Variants in PIPOX observed in about 807,000 individuals in gnomAD.
The protein encoded by PIPOX is peroxisomal sarcosine oxidase.
A neutral mutation model predicts 47.9 loss-of-function variants in PIPOX; 45 were observed. The ratio of observed to expected loss-of-function variants is 0.94; its 90% confidence interval spans 0.74 to 1.20. The LOEUF (loss-of-function observed/expected upper bound fraction) is 1.20. PIPOX is among the 50% of genes most tolerant of loss of function. The probability of loss-of-function intolerance (pLI) is 0.00; values close to 1 mark genes in which losing one functional copy is unlikely to be tolerated. For missense variants in PIPOX, 458 were observed against 498.4 expected (o/e 0.92, Z 0.77); for synonymous variants, 165 against 191.3 (o/e 0.86, Z 1.13).
intron 2 of PIPOX, among the ~76,000 whole-genome samples, chr17:29,052,420 A>G (rs1339166269): frequency 6.6e-6 from 1 of 152,254 alleles, no homozygotes; most frequent in Non-Finnish European, 1.5e-5. Flanking sequence ...AATGGGCTGG[A>G]AATCAGCATG....
rs966747961 is a variant in PIPOX, at chr17:29,044,954, G to A, written c.210G>A (p.Glu70=). The A allele has an allele frequency of 7.4e-6, 12 of 1,613,932 alleles. No individual in the cohort carries two copies. The African/African-American group carries it at 1.2e-4, about 16-fold the overall frequency. ...ACTTTTACACCCGGATGATGCATGA[G>A]TGCTATCAGATATGGGCCCAGCTGG... ...LEDFYTRMMH[E]CYQIWAQLEH... The change falls in exon 2 of 8, where the codon GAG becomes GAA. Residue 70 remains glutamate (E), a synonymous_variant. Coordinates refer to ENST00000323372, the MANE Select transcript of PIPOX (RefSeq NM_016518.3).
intron 2 of PIPOX, among the ~76,000 whole-genome samples, chr17:29,046,450 G>C (rs1415689663): frequency 6.6e-6 from 1 of 152,164 alleles, no homozygotes; most frequent in African/African-American, 2.4e-5. Flanking sequence ...GTGTGATCTT[G>C]GAAAAGTTTC....
In PIPOX at chr17:29,056,205, G is replaced by A; in HGVS notation, c.1073G>A (p.Gly358Glu). 6.2e-7 allele frequency: 1 copy of A among 1,614,136 alleles called. No individual in the cohort carries two copies. Among genetic ancestry groups the A allele is most frequent in the Non-Finnish European group, 8.5e-7 (1 of 1,180,016 alleles). The change falls in exon 8 of 8, where the codon GGG (glycine) becomes GAG (glutamate). Residue 358 changes from glycine (G) to glutamate (E), a missense_variant. Physicochemically the swap from Gly to Glu is moderately conservative, Grantham distance 98. Transcript: ENST00000323372. ...GHGFKLAPVV[G>E]KILYELSMKL... ...GGGTTCAAGCTGGCCCCTGTGGTGG[G>A]GAAGATCCTGTATGAATTAAGCATG...
intron 2 of PIPOX, among the ~76,000 whole-genome samples, chr17:29,051,529 G>A (rs1156585561): frequency 1.3e-5 from 2 of 152,216 alleles, no homozygotes; most frequent in Non-Finnish European, 1.5e-5. Context: ...GGGCAGTGCA[G>A]CAGCTGCAAT....
intron 2 of PIPOX, chr17:29,052,051 G>A (rs2152698720): frequency 2.1e-6 from 1 of 471,026 alleles, no homozygotes; most frequent in Non-Finnish European, 4.4e-6. Context: ...GGTGAAGCCA[G>A]GACTAGAGAC....
Position 29,043,189 on chromosome 17 carries a change from C to A in PIPOX, c.-37C>A. 1 of 1,521,316 alleles carries A rather than the reference C, an allele frequency of 6.6e-7. No homozygotes were observed. The highest frequency in any genetic ancestry group is 9.1e-7 in the Non-Finnish European group (1 of 1,101,174). The allele number at this position is 1,521,316 out of a possible 1,614,324, so 94.2% of individuals were successfully genotyped here. ...GGGAGCCTGTCTTTGCTTGCCTTTGCCTTTGAGGCTCTGTGGCTGTGGGGC... is the reference window on the plus strand; with the variant it reads ...GGGAGCCTGTCTTTGCTTGCCTTTGACTTTGAGGCTCTGTGGCTGTGGGGC... On this transcript the variant is annotated 5_prime_UTR_variant, in exon 1 of 8. Coordinates refer to ENST00000323372, the MANE Select transcript of PIPOX (RefSeq NM_016518.3).
At chr17:29,045,815 T>C (rs2152698195) in intron 2 of PIPOX, among the ~76,000 whole-genome samples, 1 of 152,258 alleles carries the variant, frequency 6.6e-6, no homozygotes, top group South Asian at 2.1e-4. Flanking sequence ...CCTTTTCCTG[T>C]AGGAACAAAA....
At chr17:29,045,043 T>C (rs1428773349) in intron 2 of PIPOX, 36 bp downstream of exon 2, 2 of 1,557,984 alleles carry the variant, frequency 1.3e-6, no homozygotes, top group Non-Finnish European at 1.7e-6. Context: ...ATCGTGGGGC[T>C]CTGCACCTGC....
chr17:29,056,474 T>A lies in PIPOX; in HGVS notation c.*169T>A. The A allele has an allele frequency of 1.4e-6, 1 of 718,508 alleles. No individual in the cohort carries two copies. The highest frequency in any genetic ancestry group is 2.2e-6 in the Non-Finnish European group (1 of 447,412). The allele number at this position is 718,508 out of a possible 1,614,324, so 44.5% of individuals were successfully genotyped here. The stretch of plus-strand genomic sequence containing the variant: ...TACCTTCTTTCCTTGGCCCGCTCCC[T>A]TTTTCTTCTGCCTCACTTGAATCCC... On this transcript the variant is annotated 3_prime_UTR_variant, in exon 8 of 8. Coordinates refer to ENST00000323372, the MANE Select transcript of PIPOX (RefSeq NM_016518.3).
At chr17:29,050,979 G>A (rs753667106) in intron 2 of PIPOX, among the ~76,000 whole-genome samples, 5 of 151,928 alleles carry the variant, frequency 3.3e-5, no homozygotes, top group Non-Finnish European at 5.9e-5. Context: ...AAAATGAGCC[G>A]GGTGTGGTGG....
rs749251666 is a variant in PIPOX, at chr17:29,056,217, A to G, written c.1085A>G (p.Tyr362Cys). 1 of 1,614,148 alleles carries G rather than the reference A, an allele frequency of 6.2e-7. No homozygotes were observed. The highest frequency in any genetic ancestry group is 2.2e-5 in the East Asian group (1 of 44,890). The part of the protein sequence containing the change: ...KLAPVVGKIL[Y>C]ELSMKLTPSY... ...GCCCCTGTGGTGGGGAAGATCCTGT[A>G]TGAATTAAGCATGAAATTAACACCA... The change falls in exon 8 of 8, where the codon TAT becomes TGT. Residue 362 changes from tyrosine (Y) to cysteine (C), a missense_variant. Coordinates refer to ENST00000323372, the MANE Select transcript of PIPOX (RefSeq NM_016518.3).
chr17:29,044,218 G>A (rs2152698052), intron 1 of PIPOX: 1 of 152,320 alleles, frequency 6.6e-6, no homozygotes, highest in African/African-American at 2.4e-5. Context: ...GAGAAATAAA[G>A]TCAGCATCAG....
At chr17:29,046,726 G>A (rs1246960683) in intron 2 of PIPOX, 17 of 985,224 alleles carry the variant, frequency 1.7e-5, no homozygotes, top group Non-Finnish European at 1.9e-5. Flanking sequence ...TCTCAGAAGC[G>A]CACAATCCTC....
At chr17:29,051,513 G>A (rs540081970) in intron 2 of PIPOX, among the ~76,000 whole-genome samples, 24 of 152,316 alleles carry the variant, frequency 1.6e-4, no homozygotes, top group African/African-American at 4.6e-4. Context: ...GTACCAGGCC[G>A]CTGCTGGGCA....
chr17:29,044,735 T>C (rs561676325), intron 1 of PIPOX, 124 bp from the exon 2 acceptor site: 284 of 989,292 alleles, frequency 2.9e-4, no homozygotes, highest in Non-Finnish European at 3.2e-4. Context: ...CTTCCCCAGA[T>C]TGTGTGGAAA....
rs2152697969 is a variant in PIPOX at position 29,043,343 on chromosome 17, C to T, written c.114+4C>T. 6.2e-7 allele frequency: 1 copy of T among 1,600,334 alleles called. No homozygotes were observed. Among genetic ancestry groups the T allele is most frequent in the Non-Finnish European group, 8.6e-7 (1 of 1,167,652 alleles). On this transcript the variant is annotated splice_donor_region_variant and intron_variant, in intron 1 of 7. Transcript: ENST00000323372. ...GAGGATCCTCCTGCTGGAGCAGGTA[C>T]TGTGTCCCTTCTGCACCCCCAGCTG...
rs1216761549 is a variant in PIPOX, at chr17:29,056,665, G to C, written c.*360G>C. Reference sequence around the variant, plus strand: ...GAAGAGGGCACAAGAACTGGCTCTGGAGACCAAAGCAGTTGTTAAAAATTC... The same window carrying C: ...GAAGAGGGCACAAGAACTGGCTCTGCAGACCAAAGCAGTTGTTAAAAATTC... On this transcript the variant is annotated 3_prime_UTR_variant, in exon 8 of 8. Coordinates refer to ENST00000323372, the MANE Select transcript of PIPOX (RefSeq NM_016518.3). 4.3e-6 allele frequency: 1 copy of C among 235,042 alleles called. No homozygotes were observed. Among genetic ancestry groups the C allele is most frequent in the African/African-American group, 2.3e-5 (1 of 44,176 alleles). The allele number at this position is 235,042 out of a possible 1,614,324, so 14.6% of individuals were successfully genotyped here. A position where few individuals can be genotyped will look rare whatever the true frequency, so the allele number is the denominator to read the frequency against.
intron 2 of PIPOX, 133 bp from the exon 3 acceptor site, chr17:29,052,787 G>C: frequency 1.4e-6 from 1 of 739,700 alleles, no homozygotes; most frequent in Non-Finnish European, 2.3e-6. Flanking sequence ...CAGGCTGCTA[G>C]TGAACAAATT....
chr17:29,054,246 C>T (rs2065818141), intron 4 of PIPOX, among the ~76,000 whole-genome samples: 1 of 152,060 alleles, frequency 6.6e-6, no homozygotes, highest in African/African-American at 2.4e-5. Context: ...TTATAGTAAG[C>T]ACTCAATAAA....
Sources: allele counts gnomAD v4.1 joint callset (sites outside exome capture counted in the v4.1 genomes callset), GRCh38; gene constraint gnomAD v4.1.1; transcripts MANE v1.5; gene names NCBI Gene and HGNC (gene_info 2026-07-23, HGNC 2026-07-21).